The following PPIL1 variants were observed in gnomAD, a reference collection of about 807,000 sequenced individuals.
The protein encoded by PPIL1 is peptidylprolyl isomerase like 1.
A neutral mutation model predicts 19.4 loss-of-function variants in PPIL1; 14 were observed. That is an observed-to-expected ratio of 0.72 (90% CI 0.48 to 1.13). The LOEUF is 1.13. PPIL1 is among the 50% of genes most tolerant of loss of function. The pLI is 0.00. For missense variants in PPIL1, 192 were observed against 218.0 expected, an observed-to-expected ratio of 0.88 and a Z score of 0.75; for synonymous variants, 72 against 73.6, an observed-to-expected ratio of 0.98 and a Z score of 0.11.
chr6:36,856,516 G>C, intron 3 of PPIL1, 70 bp downstream of exon 3: 1 of 1,431,174 alleles, frequency 7.0e-7, no homozygotes, highest in South Asian at 1.2e-5. Context: ...CATTCACCTT[G>C]AATCATGGCC....
At chr6:36,870,813 A>G (rs763353648) in intron 2 of PPIL1, among the ~76,000 whole-genome samples, 6 of 152,096 alleles carry the variant, frequency 3.9e-5, no homozygotes, top group Non-Finnish European at 8.8e-5. Context: ...TAGTAGACAG[A>G]GCGTTTCACC....
chr6:36,861,518 G>C (rs940734028), intron 2 of PPIL1, among the ~76,000 whole-genome samples: 1 of 152,156 alleles, frequency 6.6e-6, no homozygotes, highest in African/African-American at 2.4e-5. Context: ...TCAAACCCAT[G>C]TTGGTAAAGG....
chr6:36,873,876 G>C (rs976349008), intron 1 of PPIL1, among the ~76,000 whole-genome samples: 1 of 152,170 alleles, frequency 6.6e-6, no homozygotes, highest in Non-Finnish European at 1.5e-5. Context: ...TGAATGTCAG[G>C]ATTAATACGT....
chr6:36,864,333 ACT>A (rs1774353280), intron 2 of PPIL1, among the ~76,000 whole-genome samples: 1 of 151,624 alleles, frequency 6.6e-6, no homozygotes, highest in Non-Finnish European at 1.5e-5. Flanking sequence ...GCACTCTGCT[ACT>A]CTCTGAGCTA....
At chr6:36,871,624 G>A (rs768212180) in intron 2 of PPIL1, 94 bp downstream of exon 2, 16 of 1,448,108 alleles carry the variant, frequency 1.1e-5, no homozygotes, top group Non-Finnish European at 1.3e-5. Context: ...ACCTATTTAC[G>A]ACAGAGACTT....
chr6:36,872,684 C>T (rs1034802856), intron 1 of PPIL1, among the ~76,000 whole-genome samples: 8 of 152,120 alleles, frequency 5.3e-5, no homozygotes, highest in African/African-American at 1.4e-4. Flanking sequence ...CTCAGCTTAT[C>T]GCAACCTCCA....
intron 2 of PPIL1, among the ~76,000 whole-genome samples, chr6:36,864,874 T>A (rs1774364124): frequency 6.6e-6 from 1 of 152,152 alleles, no homozygotes; most frequent in Admixed American, 6.5e-5. Context: ...CTCACCAGAA[T>A]GAGAGCACCG....
chr6:36,862,920 G>A (rs1222240262), intron 2 of PPIL1, among the ~76,000 whole-genome samples: 1 of 152,082 alleles, frequency 6.6e-6, no homozygotes, highest in East Asian at 1.9e-4. Context: ...TTGCCTTTGG[G>A]GTCAGAGACG....
In PPIL1 at chr6:36,872,152, G is replaced by A. The variant is rs1774523931; in HGVS notation, c.57-280C>T. ...TCTAATACTATACATATATACATAT[G>A]TATATATATATAGCTATATCTGATT... On this transcript the variant is annotated intron_variant, in intron 1 of 3. Coordinates refer to ENST00000373699, the MANE Select transcript of PPIL1 (RefSeq NM_016059.5). Among the ~76,000 whole-genome samples, 10 of 151,322 alleles carry A rather than the reference G, an allele frequency of 6.6e-5. No individual in the cohort carries two copies. In the South Asian group the frequency reaches 1.9e-3, roughly 28 times the overall value.
At chr6:36,873,544 G>A (rs1774565190) in intron 1 of PPIL1, among the ~76,000 whole-genome samples, 1 of 152,248 alleles carries the variant, frequency 6.6e-6, no homozygotes, top group African/African-American at 2.4e-5. Context: ...TTTTCAGGAA[G>A]GAGGTGACTT....
chr6:36,855,270 TTGA>T lies in PPIL1; in HGVS notation c.*540_*542del, dbSNP rs1774143265. 1 of 155,376 alleles carries T rather than the reference TTGA, an allele frequency of 6.4e-6. No individual in the cohort carries two copies. Among genetic ancestry groups the T allele is most frequent in the Admixed American group, 6.2e-5 (1 of 16,012 alleles). The allele number at this position is 155,376 out of a possible 1,614,324, so 9.6% of individuals were successfully genotyped here. On this transcript the variant is annotated 3_prime_UTR_variant, in exon 4 of 4. Transcript: ENST00000373699. The stretch of plus-strand genomic sequence containing the variant: ...GTCTGAAGTGTCAGAAACAGCACTG[TTGA>T]TGTTCTGGTTTTGAGAGGGAAAATA...
chr6:36,872,497 T>C (rs1774533452), intron 1 of PPIL1, among the ~76,000 whole-genome samples: 1 of 152,132 alleles, frequency 6.6e-6, no homozygotes, highest in South Asian at 2.1e-4. Context: ...CCCAATAGGA[T>C]GAGTGCTTTT....
chr6:36,860,505 G>A (rs1437190543), intron 2 of PPIL1, among the ~76,000 whole-genome samples: 1 of 151,972 alleles, frequency 6.6e-6, no homozygotes, highest in Non-Finnish European at 1.5e-5. Flanking sequence ...TTTATTCAAT[G>A]TATTTATTTC....
rs779809974 is a variant in PPIL1 at position 36,855,986 on chromosome 6, TGC to T, written c.326_327del (p.Gly109GlufsTer14). ...GGGGCGAGGGTCACAAAGAACTGGCTGCCATTGGTATCTGGCCCCGCATTGGC... is the reference window on the plus strand; with the variant it reads ...GGGGCGAGGGTCACAAAGAACTGGCTCATTGGTATCTGGCCCCGCATTGGC... ...AMANAGPDTN[G>X]SQFFVTLAPT... On this transcript the variant is annotated frameshift_variant, in exon 4 of 4. Transcript: ENST00000373699. LOFTEE classifies it high-confidence loss of function. 1.2e-6 allele frequency: 2 copies of T among 1,614,202 alleles called. No homozygotes were observed. Among genetic ancestry groups the T allele is most frequent in the Non-Finnish European group, 1.7e-6 (2 of 1,180,040 alleles).
intron 2 of PPIL1, among the ~76,000 whole-genome samples, chr6:36,866,189 G>A (rs1487608818): frequency 1.3e-5 from 2 of 152,144 alleles, no homozygotes; most frequent in African/African-American, 4.8e-5. Context: ...TTATAATATG[G>A]GAAAGTTGAA....
rs1036990995 is a variant in PPIL1 at position 36,855,806 on chromosome 6, A to G, written c.*7T>C. ...TCTCAGAAGAGCTGCTCAAGAGGGT[A>G]GCAAGTCTACCCAGAAGGGTATGCC... On this transcript the variant is annotated 3_prime_UTR_variant, in exon 4 of 4. Transcript: ENST00000373699. 1 of 1,613,774 alleles carries G rather than the reference A, an allele frequency of 6.2e-7. No homozygotes were observed. The highest frequency in any genetic ancestry group is 8.5e-7 in the Non-Finnish European group (1 of 1,179,666).
At chr6:36,859,297 TG>T (rs1018813987) in intron 2 of PPIL1, among the ~76,000 whole-genome samples, 6 of 151,864 alleles carry the variant, frequency 4.0e-5, no homozygotes, top group African/African-American at 1.5e-4. Flanking sequence ...TGGTGGCACG[TG>T]CCTGTAATCC....
intron 1 of PPIL1, among the ~76,000 whole-genome samples, chr6:36,873,732 G>A (rs902743076): frequency 6.6e-6 from 1 of 152,194 alleles, no homozygotes; most frequent in African/African-American, 2.4e-5. Context: ...AGCAAATAGA[G>A]AGAGGACTGA....
chr6:36,869,975 G>C (rs1024467771), intron 2 of PPIL1, among the ~76,000 whole-genome samples: 1 of 152,062 alleles, frequency 6.6e-6, no homozygotes, highest in Non-Finnish European at 1.5e-5. Flanking sequence ...CTTTCTGAAA[G>C]ATGGGATATT....
Sources: gnomAD v4.1 joint callset for allele counts (sites outside exome capture counted in the v4.1 genomes callset) on GRCh38, gnomAD v4.1.1 for gene constraint, MANE v1.5 for transcripts, NCBI Gene and HGNC (gene_info 2026-07-23, HGNC 2026-07-21) for gene names.